TBC1D2: variants seen among roughly 807,000 people sequenced by gnomAD.
The protein encoded by TBC1D2 is TBC1 domain family member 2A.
Under a neutral mutation model 91.1 loss-of-function variants are expected in TBC1D2, and 58 were observed. The ratio of observed to expected loss-of-function variants is 0.64; its 90% CI spans 0.52 to 0.79. The LOEUF is 0.79. TBC1D2 is among the 30% of genes least tolerant of loss of function. The pLI is 0.00. For missense variants in TBC1D2, 1,080 were observed against 1,208.3 expected (o/e 0.89, Z 1.57); for synonymous variants, 482 against 511.5 (o/e 0.94, Z 0.78).
At chr9:98,201,027 AAAAG>A (rs1447252626) in intron 11 of TBC1D2, among the ~76,000 whole-genome samples, 35 of 152,002 alleles carry the variant, frequency 2.3e-4, no homozygotes, top group Non-Finnish European at 3.2e-4. Flanking sequence ...AAAAAAAAAA[AAAAG>A]AAAGAAAGAA....
rs571915461 is a variant in TBC1D2, at chr9:98,228,935, C to T, written c.978+17G>A. The T allele has an allele frequency of 4.3e-6, 7 of 1,609,860 alleles. No homozygotes were observed. In the South Asian group the frequency reaches 4.4e-5, roughly 10 times the overall value. ...GGGTCCACTGGAACCTGGGGCCTCC[C>T]TGGGACCAGACCTCACCTTCTGAGA... On this transcript the variant is annotated intron_variant, in intron 5 of 12. Transcript: ENST00000465784. This position sits in a 1 kb window ranked among gnomAD's most constrained non-coding sequence, Gnocchi z 4.0.
intron 2 of TBC1D2, 83 bp from the exon 3 acceptor site, chr9:98,244,212 C>T (rs1362842368): frequency 1.3e-6 from 2 of 1,561,890 alleles, no homozygotes; most frequent in Non-Finnish European, 1.7e-6. Flanking sequence ...TGGGTGCAGC[C>T]CTGACTGGGA....
chr9:98,247,739 A>G (rs1829796432), intron 2 of TBC1D2, among the ~76,000 whole-genome samples: 1 of 151,782 alleles, frequency 6.6e-6, no homozygotes, highest in Non-Finnish European at 1.5e-5. Flanking sequence ...AAAAAAAAAA[A>G]AAAAAAAAAA....
At chr9:98,212,491 C>A (rs1301791994) in intron 7 of TBC1D2, among the ~76,000 whole-genome samples, 1 of 148,370 alleles carries the variant, frequency 6.7e-6, no homozygotes, top group Admixed American at 6.8e-5. Flanking sequence ...AAGAATCCCA[C>A]AAGTCCAAGT....
chr9:98,199,594 A>T lies in TBC1D2; in HGVS notation c.2580-6T>A. The stretch of plus-strand genomic sequence containing the variant: ...AGGCGATGTTCATCAGCTTCCTGGG[A>T]GGAGGGCACAATCAGCCCAGAGCAC... On this transcript the variant is annotated splice_polypyrimidine_tract_variant and splice_region_variant and intron_variant, in intron 12 of 12. Transcript: ENST00000465784. 6.2e-7 allele frequency: 1 copy of T among 1,613,850 alleles called. No homozygotes were observed. Among genetic ancestry groups the T allele is most frequent in the Non-Finnish European group, 8.5e-7 (1 of 1,180,026 alleles).
intron 1 of TBC1D2, 76 bp from the exon 2 acceptor site, chr9:98,252,002 G>T: frequency 6.6e-7 from 1 of 1,521,156 alleles, no homozygotes. Flanking sequence ...GGGGAAGGTT[G>T]TGGGAGGCTT....
intron 3 of TBC1D2, among the ~76,000 whole-genome samples, chr9:98,233,872 C>A (rs1003173368): frequency 6.6e-6 from 1 of 152,196 alleles, no homozygotes; most frequent in African/African-American, 2.4e-5. Context: ...AACTGATGCA[C>A]CTACAATGCC....
At chr9:98,242,531 TTCCATCCC>T (rs1180040622) in intron 3 of TBC1D2, among the ~76,000 whole-genome samples, 2 of 151,970 alleles carry the variant, frequency 1.3e-5, no homozygotes, top group Non-Finnish European at 2.9e-5. Context: ...TCCTGAAAGT[TTCCATCCC>T]TTCAACTAGA....
intron 9 of TBC1D2, 133 bp from the exon 10 acceptor site, chr9:98,203,541 AC>A: frequency 1.5e-6 from 2 of 1,324,700 alleles, no homozygotes; most frequent in Non-Finnish European, 2.0e-6. Flanking sequence ...CCACTCCCTA[AC>A]CAGATTTGTG....
At chr9:98,235,332 T>C in intron 3 of TBC1D2, 1 of 419,820 alleles carries the variant, frequency 2.4e-6, no homozygotes, top group East Asian at 6.0e-5. Context: ...ATAGAGGCCT[T>C]GAGAAATGAG....
chr9:98,199,384 G>C lies in TBC1D2; in HGVS notation c.2784C>G (p.Ala928=). The C allele has an allele frequency of 6.2e-7, 1 of 1,612,768 alleles. No individual in the cohort carries two copies. The highest frequency in any genetic ancestry group is 8.5e-7 in the Non-Finnish European group (1 of 1,179,930). The change falls in exon 13 of 13, where the codon GCC becomes GCG. Residue 928 remains alanine (A), a synonymous_variant. Transcript: ENST00000465784. The part of the protein sequence containing the change: ...CASEDEVEGE[A] ...GTGGGGAGGGGAGGTGGCCAAGTCAGGCTTCCCCCTCCACCTCGTCCTCGC... is the reference window on the plus strand; with the variant it reads ...GTGGGGAGGGGAGGTGGCCAAGTCACGCTTCCCCCTCCACCTCGTCCTCGC...
At chr9:98,223,894 G>A (rs1381002324) in intron 5 of TBC1D2, among the ~76,000 whole-genome samples, 1 of 152,194 alleles carries the variant, frequency 6.6e-6, no homozygotes, top group African/African-American at 2.4e-5. Flanking sequence ...CAATGTCTTA[G>A]GACCAATTCT....
intron 9 of TBC1D2, among the ~76,000 whole-genome samples, 170 bp from the exon 10 acceptor site, chr9:98,203,578 C>T (rs1283876783): frequency 1.3e-5 from 2 of 152,162 alleles, no homozygotes; most frequent in Admixed American, 6.5e-5. Flanking sequence ...GTGAGATAAA[C>T]GCTCTTTTGG....
In TBC1D2 at chr9:98,221,242, G is replaced by A. The variant is rs536009475; in HGVS notation, c.979-14C>T. The A allele has an allele frequency of 6.6e-7, 1 of 1,522,684 alleles. No homozygotes were observed. The highest frequency in any genetic ancestry group is 2.4e-5 in the East Asian group (1 of 40,874). The allele number at this position is 1,522,684 out of a possible 1,614,324, so 94.3% of individuals were successfully genotyped here. On this transcript the variant is annotated splice_polypyrimidine_tract_variant and intron_variant, in intron 5 of 12. Transcript: ENST00000465784. ...CTTCACTAGCTCCTGGGCAGGGAGAGGGAAGAATCTTGTGAGCTCAGGGAG... is the reference window on the plus strand; with the variant it reads ...CTTCACTAGCTCCTGGGCAGGGAGAAGGAAGAATCTTGTGAGCTCAGGGAG...
chr9:98,201,454 T>A, intron 11 of TBC1D2, 25 bp downstream of exon 11: 1 of 1,606,376 alleles, frequency 6.2e-7, no homozygotes, highest in East Asian at 2.2e-5. Context: ...AGGGGCCCCC[T>A]GCCCATCCCC....
chr9:98,232,353 T>TTTTTTTTTTTTTTTTTC (rs1564251724), intron 4 of TBC1D2, among the ~76,000 whole-genome samples: 1 of 149,746 alleles, frequency 6.7e-6, no homozygotes, highest in African/African-American at 2.5e-5. Flanking sequence ...TTTTTTTTTT[T>TTTTTTTTTTTTTTTTTC]GACAGTGTCT....
At chr9:98,224,344 G>A (rs540469255) in intron 5 of TBC1D2, among the ~76,000 whole-genome samples, 9 of 144,318 alleles carry the variant, frequency 6.2e-5, no homozygotes, top group South Asian at 2.2e-4. Flanking sequence ...GTGCAGTGGC[G>A]CAATCACGGC....
At chr9:98,246,682 G>T (rs1037578516) in intron 2 of TBC1D2, among the ~76,000 whole-genome samples, 1 of 152,152 alleles carries the variant, frequency 6.6e-6, no homozygotes, top group African/African-American at 2.4e-5. Flanking sequence ...CCCAGGTCAG[G>T]GGAAACTTCC....
intron 3 of TBC1D2, among the ~76,000 whole-genome samples, chr9:98,243,453 C>T (rs10985578): frequency 0.072 from 10,962 of 151,986 alleles, 549 homozygotes; most frequent in Middle Eastern, 0.1. Context: ...TGAGCCACCT[C>T]GTCCAGTGGG....
Sources: allele counts gnomAD v4.1 joint callset (sites outside exome capture counted in the v4.1 genomes callset), GRCh38; gene constraint gnomAD v4.1.1; non-coding constraint Gnocchi (gnomAD v3.1); transcripts MANE v1.5; gene names NCBI Gene and HGNC (gene_info 2026-07-23, HGNC 2026-07-21).